Variants in DHTKD1 observed in about 807,000 individuals in gnomAD.
The protein encoded by DHTKD1 is dehydrogenase E1 and transketolase domain containing 1, also known as 2-oxoadipate dehydrogenase complex component E1.
A neutral mutation model predicts 101.8 loss-of-function variants in DHTKD1; 78 were observed. That is an observed-to-expected ratio of 0.77 (90% confidence interval 0.64 to 0.93). The LOEUF (loss-of-function observed/expected upper bound fraction) is 0.93. Ranked by LOEUF, DHTKD1 falls within the 40% of genes least tolerant of loss-of-function variation. DHTKD1 has a pLI of 0.00. For missense variants in DHTKD1, 1,223 were observed against 1,161.7 expected (o/e 1.05, Z -0.77); for synonymous variants, 462 against 450.3 (o/e 1.03, Z -0.33).
At position 12,097,875 on chromosome 10, in the gene DHTKD1, C is replaced by T. The variant is rs142006153; in HGVS notation, c.1550C>T (p.Ala517Val). The change falls in exon 8 of 17, where the codon GCG becomes GTG. Residue 517 changes from alanine (A) to valine (V), a missense_variant. Ala to Val is a moderately conservative substitution (Grantham distance 64). Coordinates refer to ENST00000263035, the MANE Select transcript of DHTKD1 (RefSeq NM_018706.7). The part of the protein sequence containing the change: ...AHWQGLAQPE[A>V]QITTWSTGVP... ...TGGCAGGGCCTGGCTCAGCCAGAAG[C>T]GCAAATCACCACCTGGAGTACAGGT... 975 of 1,614,216 alleles carry T rather than the reference C, an allele frequency of 6.0e-4. 5 individuals carry two copies. The Admixed American group carries it at 0.014, about 23-fold the overall frequency.
intron 1 of DHTKD1, among the ~76,000 whole-genome samples, chr10:12,074,892 G>T (rs953902058): frequency 6.6e-6 from 1 of 151,962 alleles, no homozygotes; most frequent in Non-Finnish European, 1.5e-5. Flanking sequence ...CTTAGAGGCC[G>T]AAGCCAGTGG....
chr10:12,090,508 G>A (rs1206064080), intron 5 of DHTKD1, among the ~76,000 whole-genome samples: 1 of 140,872 alleles, frequency 7.1e-6, no homozygotes, highest in Non-Finnish European at 1.5e-5. Flanking sequence ...TTCAAGATGG[G>A]TTCTCAATCT....
rs1833208354 is a variant in DHTKD1, at chr10:12,103,899, G to T, written c.1897-2347G>T. 6.6e-6 allele frequency among the ~76,000 whole-genome samples: 1 copy of T among 152,122 alleles called. No individual in the cohort carries two copies. The highest frequency in any genetic ancestry group is 1.5e-5 in the Non-Finnish European group (1 of 68,036). Reference sequence around the variant, plus strand: ...ACCTCTCAGTGTGTACACTTGAGCAGTTTGTAGTCTATTCACAGAGTTGTG... The same window carrying T: ...ACCTCTCAGTGTGTACACTTGAGCATTTTGTAGTCTATTCACAGAGTTGTG... On this transcript the variant is annotated intron_variant, in intron 10 of 16. Coordinates refer to ENST00000263035, the MANE Select transcript of DHTKD1 (RefSeq NM_018706.7). This position sits in a 1 kb window ranked among gnomAD's most constrained non-coding sequence, Gnocchi z 4.8.
intron 6 of DHTKD1, among the ~76,000 whole-genome samples, chr10:12,093,191 C>T (rs1200711791): frequency 6.6e-6 from 1 of 151,900 alleles, no homozygotes; most frequent in Non-Finnish European, 1.5e-5. Context: ...CTACAGGTGT[C>T]CACCACCACA....
rs1833264698 is a variant in DHTKD1, at chr10:12,107,270, G to A, written c.2048-639G>A. Among the ~76,000 whole-genome samples the A allele has an allele frequency of 6.6e-6, 1 of 151,974 alleles. No individual in the cohort carries two copies. Among genetic ancestry groups the A allele is most frequent in the African/African-American group, 2.4e-5 (1 of 41,374 alleles). On this transcript the variant is annotated intron_variant, in intron 11 of 16. Transcript: ENST00000263035. The surrounding 1 kb of genome is among the most constrained non-coding windows in gnomAD (Gnocchi z 4.1). The stretch of plus-strand genomic sequence containing the variant: ...CAAAGTGGTGGGATTACGGGTGTGA[G>A]CCACTGTGCCCGGCCGGGAGCTGCC...
intron 1 of DHTKD1, 151 bp from the exon 2 acceptor site, chr10:12,081,321 T>C: frequency 1.9e-6 from 1 of 535,166 alleles, no homozygotes; most frequent in Non-Finnish European, 3.3e-6. Context: ...CACTCCAGCC[T>C]GGGCAATAGA....
At position 12,094,132 on chromosome 10, in the gene DHTKD1, C is replaced by G. The variant is rs779372510; in HGVS notation, c.1219C>G (p.Arg407Gly). Residue 407 changes from arginine to glycine, a missense_variant, in exon 7 of 17, where the codon CGT becomes GGT. Arg to Gly is a moderately radical substitution (Grantham distance 125, BLOSUM62 -2). Coordinates refer to ENST00000263035, the MANE Select transcript of DHTKD1 (RefSeq NM_018706.7). ...TGGAGACAGCCCAGAGGAAGTGGTC[C>G]GTGCCACACGACTGGCTTTTGAATA... ...VNGDSPEEVV[R>G]ATRLAFEYQR... 2.5e-6 allele frequency: 4 copies of G among 1,614,046 alleles called. No homozygotes were observed. Among genetic ancestry groups the G allele is most frequent in the Non-Finnish European group, 3.4e-6 (4 of 1,180,012 alleles).
chr10:12,082,789 C>T (rs1832841814), intron 2 of DHTKD1, among the ~76,000 whole-genome samples: 1 of 151,856 alleles, frequency 6.6e-6, no homozygotes, highest in African/African-American at 2.4e-5. Flanking sequence ...CTCAAAAGAC[C>T]AATACTTTAA....
Position 12,097,869 on chromosome 10 carries a change from C to T in DHTKD1, c.1544C>T (p.Pro515Leu). The T allele has an allele frequency of 6.2e-7, 1 of 1,614,234 alleles. No individual in the cohort carries two copies. Among genetic ancestry groups the T allele is most frequent in the South Asian group, 1.1e-5 (1 of 91,086 alleles). The part of the protein sequence containing the change: ...LQAHWQGLAQ[P>L]EAQITTWSTG... ...GCCCACTGGCAGGGCCTGGCTCAGC[C>T]AGAAGCGCAAATCACCACCTGGAGT... Residue 515 changes from proline to leucine, a missense_variant, in exon 8 of 17, where the codon CCA (proline) becomes CTA (leucine). By Grantham distance (98) the Pro-to-Leu change is moderately conservative. Transcript: ENST00000263035.
At position 12,090,823 on chromosome 10, in the gene DHTKD1, T is replaced by A. The variant is rs139920583; in HGVS notation, c.988-690T>A. On this transcript the variant is annotated intron_variant, in intron 5 of 16. Transcript: ENST00000263035. ...TTCTAAATAGAAATCTTGAAATCAT[T>A]AGCCAGACATTCTGTTTACCTTTCA... 3.3e-3 allele frequency among the ~76,000 whole-genome samples: 497 copies of A among 152,228 alleles called. 1 individual carries two copies. Among genetic ancestry groups the A allele is most frequent in the African/African-American group, 0.011 (476 of 41,556 alleles).
At chr10:12,101,020 T>G (rs752657702) in intron 9 of DHTKD1, 22 bp from the exon 10 acceptor site, 1 of 1,612,178 alleles carries the variant, frequency 6.2e-7, no homozygotes, top group African/African-American at 1.3e-5. Context: ...GAATCTGACT[T>G]TTTTTTTCTT....
At chr10:12,082,033 G>A (rs1016254454) in intron 2 of DHTKD1, among the ~76,000 whole-genome samples, 1 of 151,816 alleles carries the variant, frequency 6.6e-6, no homozygotes, top group African/African-American at 2.4e-5. Context: ...AGGTAGAGAT[G>A]GGAGGATTGC....
chr10:12,115,056 A>G (rs974829709), intron 13 of DHTKD1, among the ~76,000 whole-genome samples: 3 of 151,056 alleles, frequency 2.0e-5, no homozygotes, highest in Non-Finnish European at 4.4e-5. Context: ...CGGCCTCCCA[A>G]AGTGCTGGGA....
At chr10:12,090,476 C>T (rs1322226310) in intron 5 of DHTKD1, among the ~76,000 whole-genome samples, 2 of 137,672 alleles carry the variant, frequency 1.5e-5, no homozygotes, top group East Asian at 4.3e-4. Context: ...TCCTTCCTTC[C>T]TTCTTCTTTC....
Position 12,084,545 on chromosome 10 carries a change from T to C in DHTKD1, c.316T>C (p.Leu106=). ...CCTTTGATTGTATTTCACAGGATTATTGAACATGGGGAAGGAAGAGGCCTC... is the reference window on the plus strand; with the variant it reads ...CCTTTGATTGTATTTCACAGGATTACTGAACATGGGGAAGGAAGAGGCCTC... ...LQGPFHTAGL[L]NMGKEEASLE... Residue 106 remains leucine, a synonymous_variant, in exon 3 of 17, where the codon TTG becomes CTG. Coordinates refer to ENST00000263035, the MANE Select transcript of DHTKD1 (RefSeq NM_018706.7). The C allele has an allele frequency of 6.3e-7, 1 of 1,596,436 alleles. No homozygotes were observed. The highest frequency in any genetic ancestry group is 8.6e-7 in the Non-Finnish European group (1 of 1,164,066).
At chr10:12,092,450 G>C (rs960789353) in intron 6 of DHTKD1, among the ~76,000 whole-genome samples, 2 of 152,126 alleles carry the variant, frequency 1.3e-5, no homozygotes, top group African/African-American at 4.8e-5. Context: ...GGAGTGCCCA[G>C]GGGCTTAGTG....
intron 12 of DHTKD1, among the ~76,000 whole-genome samples, chr10:12,111,339 T>A (rs1014595611): frequency 3.3e-5 from 5 of 152,320 alleles, no homozygotes; most frequent in Non-Finnish European, 7.3e-5. Flanking sequence ...CTAATTTTTG[T>A]ATTTTTAGTA....
chr10:12,085,368 A>G (rs1247790074), intron 3 of DHTKD1, among the ~76,000 whole-genome samples: 1 of 152,170 alleles, frequency 6.6e-6, no homozygotes, highest in African/African-American at 2.4e-5. Flanking sequence ...CTCTGAGCTT[A>G]AATCCCTCGT....
rs1833262946 is a variant in DHTKD1 at position 12,107,165 on chromosome 10, T to C, written c.2048-744T>C. On this transcript the variant is annotated intron_variant, in intron 11 of 16. Coordinates refer to ENST00000263035, the MANE Select transcript of DHTKD1 (RefSeq NM_018706.7). The surrounding 1 kb of genome is among the most constrained non-coding windows in gnomAD (Gnocchi z 4.1). ...CCACGCCCGGCTAATTTTTTGTATT[T>C]TTAGTAGAGATGGGGTTTCACCGTG... 6.6e-6 allele frequency among the ~76,000 whole-genome samples: 1 copy of C among 151,334 alleles called. No homozygotes were observed. The highest frequency in any genetic ancestry group is 2.4e-5 in the African/African-American group (1 of 41,168).
Sources: allele counts gnomAD v4.1 joint callset (sites outside exome capture counted in the v4.1 genomes callset), GRCh38; gene constraint gnomAD v4.1.1; non-coding constraint Gnocchi (gnomAD v3.1); transcripts MANE v1.5; gene names NCBI Gene and HGNC (gene_info 2026-07-23, HGNC 2026-07-21).